PDK1: variants seen among roughly 807,000 people sequenced by gnomAD.
PDK1 encodes the protein pyruvate dehydrogenase kinase 1.
PDK1 carries 39 observed loss-of-function variants against 54.2 expected under a neutral mutation model. That is an observed-to-expected ratio of 0.72 (90% CI 0.56 to 0.94). PDK1 has a LOEUF of 0.94. Among genes scored for constraint, PDK1 ranks in the 40% least tolerant of loss-of-function variants. The pLI is 0.00. For missense variants in PDK1, 552 were observed against 566.0 expected, an observed-to-expected ratio of 0.98 and a Z score of 0.25; for synonymous variants, 221 against 207.1, an observed-to-expected ratio of 1.07 and a Z score of -0.58.
At chr2:172,563,909 G>A (rs1688792458) in intron 3 of PDK1, 4 of 421,228 alleles carry the variant, frequency 9.5e-6, no homozygotes, top group Non-Finnish European at 1.9e-5. Flanking sequence ...ACAGAGATGG[G>A]AAGACTAGAT....
intron 3 of PDK1, among the ~76,000 whole-genome samples, chr2:172,563,717 C>T (rs936879471): frequency 2.0e-5 from 3 of 151,912 alleles, no homozygotes; most frequent in Non-Finnish European, 2.9e-5. Context: ...CCTATAATCC[C>T]GGCTACTCAG....
the PDK1 span, among the ~76,000 whole-genome samples, chr2:172,621,343 A>G: frequency 6.6e-6 from 1 of 152,030 alleles, no homozygotes; most frequent in African/African-American, 2.4e-5. Flanking sequence ...AAAAACGTGA[A>G]AAGACTAGAT....
At chr2:172,620,123 A>G in the PDK1 span, among the ~76,000 whole-genome samples, 3 of 152,212 alleles carry the variant, frequency 2.0e-5, no homozygotes, top group South Asian at 4.1e-4. Context: ...CCAAGATCAC[A>G]TCACTGTACT....
chr2:172,572,504 T>G (rs1195639130), intron 8 of PDK1, among the ~76,000 whole-genome samples: 1 of 152,100 alleles, frequency 6.6e-6, no homozygotes, highest in Non-Finnish European at 1.5e-5. Context: ...TTGGGCAGAT[T>G]GCCTGAGGTA....
chr2:172,666,296 C>T, the PDK1 span, among the ~76,000 whole-genome samples: 1 of 152,204 alleles, frequency 6.6e-6, no homozygotes, highest in African/African-American at 2.4e-5. Flanking sequence ...ACAGAGAAGA[C>T]ATTCCTGTAG....
At position 172,564,583 on chromosome 2, in the gene PDK1, A is replaced by G. The variant is rs200611819; in HGVS notation, c.491A>G (p.Lys164Arg). The change falls in exon 4 of 11, where the codon AAG becomes AGG. Residue 164 changes from lysine to arginine, a missense_variant. By Grantham distance (26) the Lys-to-Arg change is conservative (BLOSUM62 2). Transcript: ENST00000282077. ...PTMAQGVIEY[K>R]ESFGVDPVTS... ...ATGGCCCAGGGTGTGATTGAATACA[A>G]GGAGAGCTTTGGGGTGGATCCTGTC... 2 of 1,614,076 alleles carry G rather than the reference A, an allele frequency of 1.2e-6. No homozygotes were observed. Among genetic ancestry groups the G allele is most frequent in the East Asian group, 2.2e-5 (1 of 44,886 alleles).
At position 172,559,776 on chromosome 2, in the gene PDK1, T is replaced by C. The variant is rs139222039; in HGVS notation, c.338+927T>C. On this transcript the variant is annotated intron_variant, in intron 2 of 10. Transcript: ENST00000282077. ...GTTGGCCAGGCTGGTCTCAAGCTCCTGACCTCAGGTGATCCTCCCACCTTG... is the reference window on the plus strand; with the variant it reads ...GTTGGCCAGGCTGGTCTCAAGCTCCCGACCTCAGGTGATCCTCCCACCTTG... Among the ~76,000 whole-genome samples, 514 of 152,268 alleles carry C rather than the reference T, an allele frequency of 3.4e-3. 3 individuals are homozygous for C. The highest frequency in any genetic ancestry group is 0.012 in the African/African-American group (500 of 41,566).
chr2:172,608,985 A>G (rs1190913054), downstream of PDK1, among the ~76,000 whole-genome samples: 3 of 152,256 alleles, frequency 2.0e-5, no homozygotes, highest in Non-Finnish European at 4.4e-5. Context: ...AAATCATTAT[A>G]AAGTCCCAAA....
the PDK1 span, among the ~76,000 whole-genome samples, chr2:172,697,263 A>G: frequency 6.6e-6 from 1 of 152,206 alleles, no homozygotes; most frequent in African/African-American, 2.4e-5. Flanking sequence ...ATTCCCCAAG[A>G]TCTGTAATTG....
chr2:172,714,231 T>G, the PDK1 span, among the ~76,000 whole-genome samples: 19 of 152,322 alleles, frequency 1.2e-4, no homozygotes, highest in Admixed American at 1.2e-3. Flanking sequence ...ATATTGACAC[T>G]TTTTAACAAA....
At chr2:172,654,895 G>A in the PDK1 span, among the ~76,000 whole-genome samples, 1 of 152,086 alleles carries the variant, frequency 6.6e-6, no homozygotes, top group East Asian at 1.9e-4. Flanking sequence ...ACCTAATAGC[G>A]GGCAGAGAAG....
At chr2:172,706,239 G>A in the PDK1 span, among the ~76,000 whole-genome samples, 2 of 151,502 alleles carry the variant, frequency 1.3e-5, no homozygotes, top group East Asian at 3.9e-4. Context: ...TTGATACAAG[G>A]CTACAGTGTA....
chr2:172,559,011 C>A (rs945864736), intron 2 of PDK1, among the ~76,000 whole-genome samples, 162 bp downstream of exon 2: 3 of 151,888 alleles, frequency 2.0e-5, no homozygotes, highest in Non-Finnish European at 2.9e-5. Context: ...TGCAGTGGCG[C>A]GATCTTGCCT....
chr2:172,668,918 GAGAGAGAGAGAGAGAGAGAGAA>G, the PDK1 span, among the ~76,000 whole-genome samples: 5 of 144,160 alleles, frequency 3.5e-5, no homozygotes, highest in East Asian at 1.0e-3. Flanking sequence ...GAGAGAGAGA[GAGAGAGAGAGAGAGAGAGAGAA>G]AGAGAGAGAG....
chr2:172,634,148 G>T, the PDK1 span, among the ~76,000 whole-genome samples: 1 of 151,150 alleles, frequency 6.6e-6, no homozygotes, highest in Non-Finnish European at 1.5e-5. Flanking sequence ...AAAGTGCTGG[G>T]ATTACAGGCG....
chr2:172,666,132 A>G, the PDK1 span, among the ~76,000 whole-genome samples: 1 of 152,160 alleles, frequency 6.6e-6, no homozygotes, highest in African/African-American at 2.4e-5. Flanking sequence ...TACGATCAAT[A>G]CTTTGATTTA....
At chr2:172,568,657 C>A (rs1574479680) in intron 6 of PDK1, 84 bp from the exon 7 acceptor site, 1 of 839,260 alleles carries the variant, frequency 1.2e-6, no homozygotes, top group Non-Finnish European at 2.1e-6. Context: ...TTAATGTTTT[C>A]TTTTCATCAC....
At chr2:172,622,630 TATGTGAGATATGTTTATATCTC>T in the PDK1 span, among the ~76,000 whole-genome samples, 1,214 of 145,726 alleles carry the variant, frequency 8.3e-3, 13 homozygotes, top group East Asian at 0.062. Flanking sequence ...TTTATCTCAT[TATGTGAGATATGTTTATATCTC>T]ATGTGAGATA....
At chr2:172,655,224 G>A in the PDK1 span, among the ~76,000 whole-genome samples, 2 of 152,292 alleles carry the variant, frequency 1.3e-5, no homozygotes, top group African/African-American at 4.8e-5. Flanking sequence ...AGGCCCATGG[G>A]CTCTGCTTTA....
Sources: gnomAD v4.1 joint callset for allele counts (sites outside exome capture counted in the v4.1 genomes callset) on GRCh38, gnomAD v4.1.1 for gene constraint, MANE v1.5 for transcripts, NCBI Gene and HGNC (gene_info 2026-07-23, HGNC 2026-07-21) for gene names.